SCML2: variants seen among roughly 807,000 people sequenced by gnomAD.
SCML2 encodes Scm polycomb group protein like 2.
Under a neutral mutation model 48.4 loss-of-function variants are expected in SCML2, and 6 were observed. That is an observed-to-expected ratio of 0.12 (90% confidence interval 0.07 to 0.24). SCML2 has a LOEUF of 0.24. Ranked by LOEUF, SCML2 falls within the 10% of genes least tolerant of loss-of-function variation. SCML2 has a pLI of 1.00. For synonymous variants in SCML2, 181 were observed against 189.5 expected, an observed-to-expected ratio of 0.95 and a Z score of 0.37; for missense variants, 377 against 528.2, an observed-to-expected ratio of 0.71 and a Z score of 2.81.
chrX:18,348,458 C>G lies in SCML2; in HGVS notation c.-25+6134G>C, dbSNP rs762913981. 5.4e-5 allele frequency among the ~76,000 whole-genome samples: 6 copies of G among 111,899 alleles called. No individual in the cohort carries two copies. The East Asian group carries it at 1.7e-3, about 31-fold the overall frequency. ...AGAAAACTAAACATCCTTGAAAATA[C>G]CTCAAACATGAGGCAGGTGTCAGCA... On this transcript the variant is annotated intron_variant, in intron 1 of 14. Transcript: ENST00000251900.
chrX:18,247,830 A>G lies in SCML2; in HGVS notation c.1509T>C (p.Thr503=), dbSNP rs1926504967. The G allele has an allele frequency of 2.5e-6, 3 of 1,209,548 alleles. No homozygotes were observed. The highest frequency in any genetic ancestry group is 1.7e-5 in the African/African-American group (1 of 57,167). ...RQSTKRSPQQ[T]VPYVVPLSPK... is the part of the protein sequence containing the mutation. Reference sequence around the variant, plus strand: ...GAGAGAGAGGAACAACATATGGTACAGTTTGCTGAGGAGATCGTTTGGTGC... The same window carrying G: ...GAGAGAGAGGAACAACATATGGTACGGTTTGCTGAGGAGATCGTTTGGTGC... The change falls in exon 12 of 15, where the codon ACT becomes ACC. Residue 503 remains threonine, a synonymous_variant. Coordinates refer to ENST00000251900, the MANE Select transcript of SCML2 (RefSeq NM_006089.3).
Position 18,256,908 on chromosome X carries a change from G to C in SCML2, c.1396C>G (p.Pro466Ala). ...GTATGACCCCTGGAAGAACTAAAAG[G>C]CTGGCTACTCAAAAGGTTATCACAC... is the stretch of plus-strand genomic sequence containing the variant. ...LQCDNLLSSQ[P>A]FSSSRGHTHS... The change falls in exon 11 of 15, where the codon CCT (proline) becomes GCT (alanine). Residue 466 changes from proline (P) to alanine (A), a missense_variant. By Grantham distance (27) the Pro-to-Ala change is conservative. This residue lies in a region of SCML2 where 299 missense variants were observed against 425.5 expected (regional missense o/e 0.70). Coordinates refer to ENST00000251900, the MANE Select transcript of SCML2 (RefSeq NM_006089.3). 8.3e-7 allele frequency: 1 copy of C among 1,207,198 alleles called. No homozygotes were observed. The highest frequency in any genetic ancestry group is 3.0e-5 in the East Asian group (1 of 33,578).
chrX:18,244,678 T>C (rs1191774435), intron 13 of SCML2, among the ~76,000 whole-genome samples: 3 of 111,689 alleles, frequency 2.7e-5, no homozygotes, highest in African/African-American at 9.7e-5. Context: ...GGCTCTGTCT[T>C]ATATACACTG....
chrX:18,324,182 T>C, intron 4 of SCML2, 89 bp from the exon 5 acceptor site: 1 of 564,136 alleles, frequency 1.8e-6, no homozygotes, highest in South Asian at 3.1e-5. Context: ...CTGAGGAACA[T>C]TTTAAATAAC....
chrX:18,292,530 T>C (rs917140421), intron 7 of SCML2, among the ~76,000 whole-genome samples: 4 of 110,738 alleles, frequency 3.6e-5, no homozygotes, highest in African/African-American at 6.6e-5. Context: ...TGAAAAAAAA[T>C]AGGCAAGAAA....
intron 1 of SCML2, chrX:18,341,410 C>A: frequency 4.3e-6 from 1 of 229,960 alleles, no homozygotes; most frequent in South Asian, 5.8e-5. Context: ...GAGGAAGAAT[C>A]ACCACAAGAT....
At chrX:18,343,923 TAAAAAAAAAAA>T (rs1203495780) in intron 1 of SCML2, among the ~76,000 whole-genome samples, 7 of 53,350 alleles carry the variant, frequency 1.3e-4, no homozygotes, top group Non-Finnish European at 2.4e-4. Context: ...TGCCTCTATT[TAAAAAAAAAAA>T]AAAAAAAAGA....
intron 7 of SCML2, among the ~76,000 whole-genome samples, chrX:18,280,606 C>T (rs958764987): frequency 5.4e-5 from 6 of 111,670 alleles, no homozygotes; most frequent in East Asian, 5.7e-4. Flanking sequence ...CATCTGTTGT[C>T]CTCAAGACAC....
chrX:18,241,735 A>G (rs1926271099), intron 14 of SCML2, among the ~76,000 whole-genome samples: 1 of 112,079 alleles, frequency 8.9e-6, no homozygotes, highest in Non-Finnish European at 1.9e-5. Context: ...CTTTCTGAGA[A>G]GGGCCAGGAA....
chrX:18,333,980 A>G, intron 2 of SCML2, 70 bp downstream of exon 2: 1 of 968,072 alleles, frequency 1.0e-6, no homozygotes, highest in Admixed American at 2.8e-5. Context: ...TCAAAAGTTC[A>G]GTATACCAGA....
chrX:18,259,260 CAA>C (rs77504930), intron 9 of SCML2, among the ~76,000 whole-genome samples: 3 of 64,974 alleles, frequency 4.6e-5, no homozygotes, highest in Admixed American at 1.9e-4. Flanking sequence ...GAGACTGTCT[CAA>C]AAAAAAAAAA....
At chrX:18,266,334 C>T (rs747959969) in intron 7 of SCML2, among the ~76,000 whole-genome samples, 204 of 111,042 alleles carry the variant, frequency 1.8e-3, no homozygotes, top group Middle Eastern at 4.7e-3. Flanking sequence ...ACATTATGTC[C>T]CTATATGTAT....
chrX:18,309,624 T>C (rs1331064236), intron 6 of SCML2, among the ~76,000 whole-genome samples: 2 of 111,975 alleles, frequency 1.8e-5, no homozygotes, highest in Non-Finnish European at 3.8e-5. Context: ...TCATGTCCTC[T>C]GTAACACAGA....
chrX:18,247,167 G>C (rs772341256), intron 12 of SCML2, among the ~76,000 whole-genome samples: 1 of 110,789 alleles, frequency 9.0e-6, no homozygotes, highest in African/African-American at 3.3e-5. Flanking sequence ...TAATCTTTTG[G>C]GTTTTTTTTA....
At chrX:18,303,258 CTG>C (rs1928652832) in intron 7 of SCML2, among the ~76,000 whole-genome samples, 1 of 111,579 alleles carries the variant, frequency 9.0e-6, no homozygotes, top group Non-Finnish European at 1.9e-5. Flanking sequence ...TGCTAGGAGT[CTG>C]TATGTTAGGC....
chrX:18,331,240 A>T (rs1163936971), intron 2 of SCML2, among the ~76,000 whole-genome samples: 6 of 89,564 alleles, frequency 6.7e-5, no homozygotes, highest in African/African-American at 2.5e-4. Flanking sequence ...AGCCTGGGTG[A>T]CAGAGCGAGA....
chrX:18,261,309 T>C (rs747883427), intron 8 of SCML2, among the ~76,000 whole-genome samples: 3 of 109,443 alleles, frequency 2.7e-5, no homozygotes, highest in African/African-American at 7.0e-5. Context: ...ATCATGTTAT[T>C]TTTCAGTACT....
At chrX:18,257,931 G>A (rs1602082512) in intron 10 of SCML2, 113 bp downstream of exon 10, 2 of 456,813 alleles carry the variant, frequency 4.4e-6, no homozygotes, top group East Asian at 3.9e-5. Context: ...GGAGGGGGAA[G>A]GGGAGGGGAA....
At chrX:18,331,260 A>C (rs1382060647) in intron 2 of SCML2, among the ~76,000 whole-genome samples, 1 of 31,555 alleles carries the variant, frequency 3.2e-5, no homozygotes, top group East Asian at 6.1e-4. Flanking sequence ...ACTCCGTCTC[A>C]AAAAAAAAAA....
Sources: gnomAD v4.1 joint callset for allele counts (sites outside exome capture counted in the v4.1 genomes callset) on GRCh38, gnomAD v4.1.1 for gene constraint, gnomAD v4.1.1 regional missense constraint, MANE v1.5 for transcripts, NCBI Gene and HGNC (gene_info 2026-07-23, HGNC 2026-07-21) for gene names.